Variants in ANKRD45 observed in about 807,000 individuals in gnomAD.
ANKRD45 encodes ankyrin repeat domain 45.
In ANKRD45, 21 loss-of-function variants were observed where a neutral mutation model predicts 28.1. That is an observed-to-expected ratio of 0.75 (90% CI 0.53 to 1.08). ANKRD45 has a LOEUF of 1.08. ANKRD45 is among the 50% of genes least tolerant of loss of function. The pLI, the probability that ANKRD45 is intolerant of heterozygous loss-of-function variation, is 0.00. For missense variants in ANKRD45, 261 were observed against 308.7 expected, an observed-to-expected ratio of 0.85 and a Z score of 1.16; for synonymous variants, 86 against 103.9, an observed-to-expected ratio of 0.83 and a Z score of 1.05.
chr1:173,690,346 G>C, the ANKRD45 span, among the ~76,000 whole-genome samples: 2 of 151,930 alleles, frequency 1.3e-5, no homozygotes, highest in Non-Finnish European at 2.9e-5. Context: ...GGGAAAGATC[G>C]GGGACACTGA....
At position 173,627,303 on chromosome 1, in the gene ANKRD45, A is replaced by T. The variant is rs996020471; in HGVS notation, c.497-144T>A. Reference sequence around the variant, plus strand: ...ATCCATACAAAAAAGCACCAACATGAGAACCAAAAATCAGGTAAGCAATCA... The same window carrying T: ...ATCCATACAAAAAAGCACCAACATGTGAACCAAAAATCAGGTAAGCAATCA... On this transcript the variant is annotated intron_variant, in intron 3 of 5. Transcript: ENST00000333279. The T allele has an allele frequency of 4.8e-6, 3 of 618,942 alleles. No homozygotes were observed. In the African/African-American group the frequency reaches 5.7e-5, roughly 12 times the overall value. The allele number at this position is 618,942 out of a possible 1,614,324, so 38.3% of individuals were successfully genotyped here. A position where few individuals can be genotyped will look rare whatever the true frequency, so the allele number is the denominator to read the frequency against.
chr1:173,633,169 G>A (rs1668270041), intron 3 of ANKRD45, among the ~76,000 whole-genome samples: 1 of 151,334 alleles, frequency 6.6e-6, no homozygotes, highest in South Asian at 2.1e-4. Context: ...AAATCAACAT[G>A]CAAAAATCAG....
intron 3 of ANKRD45, among the ~76,000 whole-genome samples, chr1:173,634,311 G>C (rs74479999): frequency 0.031 from 4,691 of 151,800 alleles, 113 homozygotes; most frequent in Middle Eastern, 0.092. Context: ...CACAGATACA[G>C]ACATATAGAT....
the ANKRD45 span, among the ~76,000 whole-genome samples, chr1:173,696,623 T>C: frequency 6.6e-6 from 1 of 152,194 alleles, no homozygotes; most frequent in African/African-American, 2.4e-5. Flanking sequence ...TTCTGTTCCA[T>C]TGGTCTATGG....
chr1:173,660,790 G>A (rs1468769112), intron 1 of ANKRD45, among the ~76,000 whole-genome samples: 3 of 152,188 alleles, frequency 2.0e-5, no homozygotes. Context: ...GAGCTTGGAA[G>A]TAGATCTGGC....
At chr1:173,647,948 TA>T (rs1558135994) in intron 2 of ANKRD45, among the ~76,000 whole-genome samples, 1 of 151,874 alleles carries the variant, frequency 6.6e-6, no homozygotes, top group Non-Finnish European at 1.5e-5. Context: ...CATGCCCAGA[TA>T]TTTTTTTTTT....
At chr1:173,646,789 A>G in intron 3 of ANKRD45, 57 bp downstream of exon 3, 1 of 1,551,402 alleles carries the variant, frequency 6.4e-7, no homozygotes. Context: ...CCTGTAACTC[A>G]TAGGAGAAAA....
chr1:173,652,761 C>T (rs1465731106), intron 2 of ANKRD45, among the ~76,000 whole-genome samples: 1 of 152,172 alleles, frequency 6.6e-6, no homozygotes, highest in African/African-American at 2.4e-5. Flanking sequence ...TTGATTACTG[C>T]CTCAATTTCA....
the ANKRD45 span, among the ~76,000 whole-genome samples, chr1:173,690,010 G>C: frequency 1.5e-5 from 2 of 137,164 alleles, no homozygotes; most frequent in African/African-American, 5.2e-5. Flanking sequence ...TCTAGTGGCA[G>C]TTTAAGCTCC....
At chr1:173,693,069 G>C in the ANKRD45 span, among the ~76,000 whole-genome samples, 2 of 152,110 alleles carry the variant, frequency 1.3e-5, no homozygotes, top group African/African-American at 4.8e-5. Flanking sequence ...GGGGGCCGGG[G>C]GGGTGGATCA....
At chr1:173,655,294 T>C (rs1261558189) in intron 2 of ANKRD45, among the ~76,000 whole-genome samples, 2 of 152,212 alleles carry the variant, frequency 1.3e-5, no homozygotes, top group African/African-American at 4.8e-5. Flanking sequence ...GGATGTCCTT[T>C]TTGTTGATGT....
At chr1:173,688,432 C>T in the ANKRD45 span, among the ~76,000 whole-genome samples, 1 of 146,192 alleles carries the variant, frequency 6.8e-6, no homozygotes. Context: ...GCCTCTTCCT[C>T]TCTCTCTCTG....
At chr1:173,677,015 G>A in the ANKRD45 span, among the ~76,000 whole-genome samples, 4 of 151,618 alleles carry the variant, frequency 2.6e-5, no homozygotes, top group South Asian at 2.1e-4. Flanking sequence ...TTAAGGAACC[G>A]GGAATATCTT....
the ANKRD45 span, among the ~76,000 whole-genome samples, chr1:173,691,140 T>C: frequency 5.9e-5 from 9 of 152,334 alleles, no homozygotes; most frequent in South Asian, 2.1e-4. Flanking sequence ...GGGAAATACT[T>C]TACTGGCTCC....
At chr1:173,628,403 T>C (rs977537650) in intron 3 of ANKRD45, among the ~76,000 whole-genome samples, 1 of 151,998 alleles carries the variant, frequency 6.6e-6, no homozygotes. Context: ...GAGAGCCCAC[T>C]GCCCTGAAGG....
Position 173,624,873 on chromosome 1 carries a change from G to A in ANKRD45, c.644C>T (p.Thr215Ile). 2 of 1,613,668 alleles carry A rather than the reference G, an allele frequency of 1.2e-6. No individual in the cohort carries two copies. Among genetic ancestry groups the A allele is most frequent in the Non-Finnish European group, 1.7e-6 (2 of 1,179,674 alleles). ...RAKNEWLETH[T>I]EASINELFEQ... ...AAAAAGCTCATTAATGGAAGCTTCT[G>A]TATGGGTTTCCAACCACTCATTTTT... The change falls in exon 5 of 6, where the codon ACA becomes ATA. Residue 215 changes from threonine to isoleucine, a missense_variant. Coordinates refer to ENST00000333279, the MANE Select transcript of ANKRD45 (RefSeq NM_198493.3).
the ANKRD45 span, among the ~76,000 whole-genome samples, chr1:173,700,161 A>G: frequency 1.3e-5 from 2 of 152,114 alleles, no homozygotes; most frequent in Admixed American, 6.6e-5. Flanking sequence ...ACTGCTCAAC[A>G]AAATAAAAGA....
At chr1:173,635,213 T>G (rs1001005380) in intron 3 of ANKRD45, 5 of 219,002 alleles carry the variant, frequency 2.3e-5, no homozygotes, top group Non-Finnish European at 4.5e-5. Context: ...TTTAAGAAAC[T>G]CAATGTGATT....
intron 3 of ANKRD45, among the ~76,000 whole-genome samples, chr1:173,631,632 A>T (rs1668201324): frequency 6.6e-6 from 1 of 152,196 alleles, no homozygotes; most frequent in Middle Eastern, 3.2e-3. Flanking sequence ...AATTATATCA[A>T]GTATTTTCTC....
Sources: allele counts gnomAD v4.1 joint callset (sites outside exome capture counted in the v4.1 genomes callset), GRCh38; gene constraint gnomAD v4.1.1; transcripts MANE v1.5; gene names NCBI Gene and HGNC (gene_info 2026-07-23, HGNC 2026-07-21).